The following TMEM68 variants were observed in gnomAD, a reference collection of about 807,000 sequenced individuals.
TMEM68 encodes the protein transmembrane protein 68.
A neutral mutation model predicts 36.9 loss-of-function variants in TMEM68; 25 were observed. The ratio of observed to expected loss-of-function variants is 0.68; its 90% CI spans 0.49 to 0.95. The LOEUF (loss-of-function observed/expected upper bound fraction) is 0.95. TMEM68 is among the 40% of genes least tolerant of loss of function. TMEM68 has a pLI of 0.00. For missense variants in TMEM68, 333 were observed against 392.0 expected, an observed-to-expected ratio of 0.85 and a Z score of 1.27; for synonymous variants, 131 against 124.4, an observed-to-expected ratio of 1.05 and a Z score of -0.35.
Position 55,740,106 on chromosome 8 carries a change from ATCATCTTCTAGT to A in TMEM68, c.*14_*25del, listed in dbSNP as rs1207300895. 1.0e-5 allele frequency: 16 copies of A among 1,577,620 alleles called. No individual in the cohort carries two copies. The Admixed American group carries it at 2.0e-4, about 20-fold the overall frequency. On this transcript the variant is annotated 3_prime_UTR_variant, in exon 8 of 8. Transcript: ENST00000434581. ...CAAACATTTAATATAAATGTACTAA[ATCATCTTCTAGT>A]TGACCCTTTGTTATCAATGAAAACG...
At chr8:55,750,481 G>A (rs2129943151) in intron 5 of TMEM68, among the ~76,000 whole-genome samples, 1 of 151,192 alleles carries the variant, frequency 6.6e-6, no homozygotes, top group Middle Eastern at 3.5e-3. Context: ...AGACCAAAAG[G>A]CTGAGAAATA....
chr8:55,759,257 CAAA>C (rs66513921), intron 3 of TMEM68, among the ~76,000 whole-genome samples: 3 of 121,918 alleles, frequency 2.5e-5, no homozygotes, highest in Non-Finnish European at 1.7e-5. Context: ...CCTGTCTCTA[CAAA>C]AAAAAAAAAA....
chr8:55,770,981 C>T (rs1811137901), intron 1 of TMEM68, among the ~76,000 whole-genome samples: 1 of 152,006 alleles, frequency 6.6e-6, no homozygotes, highest in Admixed American at 6.6e-5. Context: ...TGTGGAGAAA[C>T]CCTGTTTCTA....
chr8:55,751,662 ATAAT>A (rs1183916991), intron 4 of TMEM68: 2 of 247,784 alleles, frequency 8.1e-6, no homozygotes, highest in African/African-American at 2.4e-5. Context: ...TGCTAATTCT[ATAAT>A]TAAATTTTTA....
intron 3 of TMEM68, among the ~76,000 whole-genome samples, chr8:55,759,811 T>A (rs1810728075): frequency 6.6e-6 from 1 of 152,184 alleles, no homozygotes; most frequent in African/African-American, 2.4e-5. Flanking sequence ...TTTTGTACAA[T>A]CTTATTACAT....
At chr8:55,746,960 A>G (rs1810298908) in intron 5 of TMEM68, 1 of 152,262 alleles carries the variant, frequency 6.6e-6, no homozygotes. Flanking sequence ...GAGCAAAGAG[A>G]CAATGCTTCT....
At chr8:55,770,526 C>T (rs1312181791) in intron 1 of TMEM68, among the ~76,000 whole-genome samples, 2 of 152,036 alleles carry the variant, frequency 1.3e-5, no homozygotes, top group African/African-American at 4.8e-5. Flanking sequence ...AAAAAAGGTT[C>T]GCCAGGCATG....
intron 3 of TMEM68, among the ~76,000 whole-genome samples, chr8:55,757,391 A>C (rs906064545): frequency 6.6e-6 from 1 of 152,174 alleles, no homozygotes; most frequent in African/African-American, 2.4e-5. Context: ...TTGAATGTAG[A>C]ATCTCTGGAA....
intron 7 of TMEM68, among the ~76,000 whole-genome samples, chr8:55,742,018 T>C (rs1810118416): frequency 6.6e-6 from 1 of 152,080 alleles, no homozygotes; most frequent in African/African-American, 2.4e-5. Flanking sequence ...ACTGCACCAC[T>C]GCACTGCAGC....
chr8:55,740,125 T>C lies in TMEM68; in HGVS notation c.*7A>G. Reference sequence around the variant, plus strand: ...TACTAAATCATCTTCTAGTTGACCCTTTGTTATCAATGAAAACGTTCTAAC... The same window carrying C: ...TACTAAATCATCTTCTAGTTGACCCCTTGTTATCAATGAAAACGTTCTAAC... On this transcript the variant is annotated 3_prime_UTR_variant, in exon 8 of 8. Transcript: ENST00000434581. 6.2e-7 allele frequency: 1 copy of C among 1,609,594 alleles called. No homozygotes were observed. Among genetic ancestry groups the C allele is most frequent in the Non-Finnish European group, 8.5e-7 (1 of 1,177,180 alleles).
At chr8:55,752,159 A>C (rs1810441126) in intron 4 of TMEM68, among the ~76,000 whole-genome samples, 1 of 151,748 alleles carries the variant, frequency 6.6e-6, no homozygotes, top group Admixed American at 6.6e-5. Flanking sequence ...AGTGAGCCAA[A>C]ATTGTGTCAC....
At chr8:55,753,287 G>A (rs553451802) in intron 4 of TMEM68, among the ~76,000 whole-genome samples, 1 of 151,574 alleles carries the variant, frequency 6.6e-6, no homozygotes, top group Non-Finnish European at 1.5e-5. Flanking sequence ...TACACTAAAC[G>A]TTTTTCTTAT....
intron 5 of TMEM68, 70 bp downstream of exon 5, chr8:55,750,894 G>C: frequency 1.4e-6 from 2 of 1,456,772 alleles, no homozygotes; most frequent in Non-Finnish European, 1.9e-6. Context: ...ATACAATTTG[G>C]CTCATTACTT....
At chr8:55,745,489 T>C (rs1399967408) in intron 5 of TMEM68, 1 of 153,544 alleles carries the variant, frequency 6.5e-6, no homozygotes, top group Non-Finnish European at 1.4e-5. Context: ...AAATAGAAAT[T>C]GGAAACACTA....
At chr8:55,754,855 TTATA>T (rs1484447258) in intron 4 of TMEM68, among the ~76,000 whole-genome samples, 1 of 135,022 alleles carries the variant, frequency 7.4e-6, no homozygotes, top group Non-Finnish European at 1.5e-5. Flanking sequence ...TATATTTATA[TTATA>T]TATAAAATAT....
At chr8:55,756,437 C>G (rs1303231797) in intron 3 of TMEM68, 26 bp from the exon 4 acceptor site, 4 of 1,535,820 alleles carry the variant, frequency 2.6e-6, no homozygotes, top group Non-Finnish European at 3.5e-6. Context: ...AATGCAAATA[C>G]TTAAAATATA....
Position 55,748,879 on chromosome 8 carries a change from A to G in TMEM68, c.687+2085T>C, listed in dbSNP as rs919761500. On this transcript the variant is annotated intron_variant, in intron 5 of 7. Coordinates refer to ENST00000434581, the MANE Select transcript of TMEM68 (RefSeq NM_001286657.2). ...GTGCTGGGATGACAGGCATGAACCC[A>G]CATGTCCAGCTGAGAATGTACATTT... 9.4e-4 allele frequency among the ~76,000 whole-genome samples: 143 copies of G among 152,096 alleles called. 1 individual carries two copies. Among genetic ancestry groups the G allele is most frequent in the Non-Finnish European group, 4.0e-4 (27 of 68,014 alleles).
chr8:55,769,018 T>TAAAAAAAAAA (rs200493179), intron 1 of TMEM68, among the ~76,000 whole-genome samples: 6 of 82,092 alleles, frequency 7.3e-5, no homozygotes, highest in African/African-American at 3.0e-4. Context: ...ACTCTGTCTT[T>TAAAAAAAAAA]AAAAAAAAAA....
At chr8:55,764,567 T>C (rs1810905798) in intron 1 of TMEM68, among the ~76,000 whole-genome samples, 1 of 152,216 alleles carries the variant, frequency 6.6e-6, no homozygotes, top group Non-Finnish European at 1.5e-5. Flanking sequence ...GTATTGTTTT[T>C]ATTCTAAGAT....
Sources: allele counts gnomAD v4.1 joint callset (sites outside exome capture counted in the v4.1 genomes callset), GRCh38; gene constraint gnomAD v4.1.1; transcripts MANE v1.5; gene names NCBI Gene and HGNC (gene_info 2026-07-23, HGNC 2026-07-21).